Variants in SCUBE2 observed in about 807,000 individuals in gnomAD.
SCUBE2 encodes signal peptide, CUB domain and EGF like domain containing 2.
Under a neutral mutation model 125.9 loss-of-function variants are expected in SCUBE2, and 114 were observed. That is an observed-to-expected ratio of 0.91 (90% CI 0.78 to 1.06). SCUBE2 has a LOEUF of 1.06. SCUBE2 is among the 50% of genes least tolerant of loss of function. The probability of loss-of-function intolerance (pLI) is 0.00; values close to 1 mark genes in which losing one functional copy is unlikely to be tolerated. For missense variants in SCUBE2, 1,255 were observed against 1,301.8 expected, an observed-to-expected ratio of 0.96 and a Z score of 0.55; for synonymous variants, 459 against 492.9, an observed-to-expected ratio of 0.93 and a Z score of 0.91.
intron 14 of SCUBE2, 39 bp downstream of exon 14, chr11:9,050,567 T>G: frequency 6.5e-7 from 1 of 1,535,744 alleles, no homozygotes; most frequent in South Asian, 1.1e-5. Context: ...CCTTCCCACA[T>G]GCAGGCAAGC....
At chr11:9,066,647 G>A in intron 6 of SCUBE2, 50 bp downstream of exon 6, 2 of 1,442,906 alleles carry the variant, frequency 1.4e-6, no homozygotes, top group South Asian at 2.3e-5. Context: ...TAGGGGTAGG[G>A]ACAGGCAGGC....
At chr11:9,028,767 T>C (rs1029514455) in intron 19 of SCUBE2, among the ~76,000 whole-genome samples, 1 of 152,144 alleles carries the variant, frequency 6.6e-6, no homozygotes, top group Non-Finnish European at 1.5e-5. Flanking sequence ...CTAGGAACTG[T>C]GCCATAAGGC....
intron 16 of SCUBE2, among the ~76,000 whole-genome samples, chr11:9,045,009 C>T (rs1857567459): frequency 6.6e-6 from 1 of 152,082 alleles, no homozygotes; most frequent in Non-Finnish European, 1.5e-5. Context: ...ATATCCCTGT[C>T]GCCCTCTGCT....
chr11:9,080,150 C>T (rs1861524421), intron 2 of SCUBE2, among the ~76,000 whole-genome samples: 2 of 152,116 alleles, frequency 1.3e-5, no homozygotes, highest in South Asian at 4.1e-4. Flanking sequence ...CTACTTAGGG[C>T]CACTTGATTT....
At chr11:9,070,018 C>T (rs748600393) in intron 4 of SCUBE2, among the ~76,000 whole-genome samples, 4 of 152,196 alleles carry the variant, frequency 2.6e-5, no homozygotes, top group African/African-American at 4.8e-5. Context: ...CATCCTCGTA[C>T]GGGCCACATG....
intron 16 of SCUBE2, among the ~76,000 whole-genome samples, chr11:9,037,299 A>G (rs938721826): frequency 2.0e-5 from 3 of 152,158 alleles, no homozygotes; most frequent in Non-Finnish European, 4.4e-5. Flanking sequence ...GACCATTAAA[A>G]TCTCATTCTC....
chr11:9,068,948 G>C (rs1057128992), intron 5 of SCUBE2, among the ~76,000 whole-genome samples: 2 of 152,224 alleles, frequency 1.3e-5, no homozygotes, highest in African/African-American at 4.8e-5. Context: ...CTTGGGAAAG[G>C]CCTGGAGGCA....
intron 7 of SCUBE2, among the ~76,000 whole-genome samples, chr11:9,060,769 C>T (rs568120194): frequency 6.6e-6 from 1 of 152,316 alleles, no homozygotes; most frequent in South Asian, 2.1e-4. Flanking sequence ...TGCAGAGCCA[C>T]TCCCCCTACT....
At chr11:9,039,107 C>T (rs1048851415) in intron 16 of SCUBE2, among the ~76,000 whole-genome samples, 5 of 152,016 alleles carry the variant, frequency 3.3e-5, no homozygotes, top group Non-Finnish European at 2.9e-5. Context: ...TCCTCTGTCT[C>T]GGCATCCGAA....
chr11:9,061,643 T>C (rs1352922725), intron 7 of SCUBE2, among the ~76,000 whole-genome samples: 4 of 151,904 alleles, frequency 2.6e-5, no homozygotes, highest in Non-Finnish European at 4.4e-5. Flanking sequence ...ATAGTACATG[T>C]ATGTTTATCT....
At chr11:9,077,250 G>A (rs927330719) in intron 3 of SCUBE2, among the ~76,000 whole-genome samples, 1 of 152,190 alleles carries the variant, frequency 6.6e-6, no homozygotes, top group Admixed American at 6.5e-5. Context: ...GCCAGTCTTG[G>A]ATGAAGTCTA....
chr11:9,066,971 T>C (rs1311136896), intron 5 of SCUBE2, among the ~76,000 whole-genome samples, 158 bp from the exon 6 acceptor site: 1 of 152,224 alleles, frequency 6.6e-6, no homozygotes, highest in Non-Finnish European at 1.5e-5. Context: ...AGTCAGACCC[T>C]GTGGTGTCTG....
At position 9,021,171 on chromosome 11, in the gene SCUBE2, A is replaced by G. The variant is rs1364158308; in HGVS notation, c.2961T>C (p.Phe987=). Reference sequence around the variant, plus strand: ...AGTTCTGGGGATGGGCCAGGACATCAAACAGAGCCTTGATAAGTTTCTTAT... The same window carrying G: ...AGTTCTGGGGATGGGCCAGGACATCGAACAGAGCCTTGATAAGTTTCTTAT... The part of the protein sequence containing the change: ...LKDKKLIKAL[F]DVLAHPQNYF... Residue 987 remains phenylalanine (F), a synonymous_variant, in exon 23 of 23, where the codon TTT becomes TTC. Coordinates refer to ENST00000649792, the MANE Select transcript of SCUBE2 (RefSeq NM_001367977.2). 1.3e-6 allele frequency: 2 copies of G among 1,594,174 alleles called. No homozygotes were observed. The highest frequency in any genetic ancestry group is 1.7e-6 in the Non-Finnish European group (2 of 1,172,022).
intron 7 of SCUBE2, among the ~76,000 whole-genome samples, chr11:9,062,886 G>T (rs971525320): frequency 1.3e-5 from 2 of 151,840 alleles, no homozygotes; most frequent in African/African-American, 4.8e-5. Context: ...CAATCCAGGA[G>T]TTACCACAGC....
chr11:9,059,218 G>A lies in SCUBE2; in HGVS notation c.1090+85C>T, dbSNP rs1859419312. 4.0e-6 allele frequency: 6 copies of A among 1,502,194 alleles called. No individual in the cohort carries two copies. In the South Asian group the frequency reaches 5.1e-5, roughly 13 times the overall value. The allele number at this position is 1,502,194 out of a possible 1,614,324, so 93.1% of individuals were successfully genotyped here. A position where few individuals can be genotyped will look rare whatever the true frequency, so the allele number is the denominator to read the frequency against. ...GTGGCCCTGTCAAGAAGCCTGATAA[G>A]CCAGTCTCTGCCAGGAGGGTGCTAC... On this transcript the variant is annotated intron_variant, in intron 9 of 22. Coordinates refer to ENST00000649792, the MANE Select transcript of SCUBE2 (RefSeq NM_001367977.2).
chr11:9,043,327 A>G (rs1369915745), intron 16 of SCUBE2, among the ~76,000 whole-genome samples: 2 of 152,184 alleles, frequency 1.3e-5, no homozygotes, highest in African/African-American at 4.8e-5. Context: ...TATTTCTTAA[A>G]TAATTTATCT....
intron 17 of SCUBE2, 47 bp downstream of exon 17, chr11:9,033,579 T>C (rs773796689): frequency 8.2e-6 from 13 of 1,585,186 alleles, no homozygotes; most frequent in East Asian, 2.2e-5. Context: ...GTCTAAACAA[T>C]GACATCAGAG....
At chr11:9,024,250 G>T (rs1438716708) in intron 21 of SCUBE2, 3 of 1,082,912 alleles carry the variant, frequency 2.8e-6, no homozygotes, top group African/African-American at 1.6e-5. Flanking sequence ...GTGTCTTTTT[G>T]CTTTCTTCCT....
chr11:9,033,497 A>T, intron 17 of SCUBE2, 129 bp downstream of exon 17: 12 of 1,036,210 alleles, frequency 1.2e-5, no homozygotes, highest in Non-Finnish European at 1.6e-5. Context: ...AGATGAATCG[A>T]GCCAACGTGG....
Sources: allele counts gnomAD v4.1 joint callset (sites outside exome capture counted in the v4.1 genomes callset), GRCh38; gene constraint gnomAD v4.1.1; transcripts MANE v1.5; gene names NCBI Gene and HGNC (gene_info 2026-07-23, HGNC 2026-07-21).